LYN: variants seen among roughly 807,000 people sequenced by gnomAD.
LYN encodes the protein tyrosine-protein kinase Lyn.
LYN carries 12 observed loss-of-function variants against 65.0 expected under a neutral mutation model. That is an observed-to-expected ratio of 0.18 (90% CI 0.12 to 0.30). The LOEUF (loss-of-function observed/expected upper bound fraction) is 0.30, where lower values mean the gene tolerates loss of function less well. LYN is among the 10% of genes least tolerant of loss of function. The pLI, the probability that LYN is intolerant of heterozygous loss-of-function variation, is 1.00. For synonymous variants in LYN, 222 were observed against 221.2 expected (o/e 1.00, Z -0.03); for missense variants, 380 against 623.2 (o/e 0.61, Z 4.16).
intron 9 of LYN, among the ~76,000 whole-genome samples, chr8:55,967,516 A>G (rs1457236967): frequency 6.6e-6 from 1 of 151,788 alleles, no homozygotes; most frequent in Non-Finnish European, 1.5e-5. Context: ...GGGTTTCGCC[A>G]TGTTGGCCAG....
intron 10 of LYN, among the ~76,000 whole-genome samples, chr8:55,975,706 C>T (rs879792217): frequency 2.6e-5 from 4 of 151,154 alleles, no homozygotes; most frequent in Non-Finnish European, 4.4e-5. Flanking sequence ...AAACTAGTTA[C>T]TGTCAGAATT....
At chr8:55,976,628 T>C (rs2466007) in intron 10 of LYN, among the ~76,000 whole-genome samples, 74,359 of 151,724 alleles carry the variant, frequency 0.49, 19,559 homozygotes, top group African/African-American at 0.67. Flanking sequence ...GCTGTCAGAG[T>C]GGGCACCGCA....
At chr8:55,909,024 C>CTGT (rs1805517288) in intron 1 of LYN, among the ~76,000 whole-genome samples, 1 of 73,546 alleles carries the variant, frequency 1.4e-5, no homozygotes, top group Non-Finnish European at 2.5e-5. Flanking sequence ...CACACACACA[C>CTGT]ACACACACAC....
chr8:55,975,814 T>C lies in LYN; in HGVS notation c.1050+6021T>C, dbSNP rs548340197. ...TAAAACAGGAACTCTTTTTTTTTTT[T>C]GGTAAGGTGGGGGTGGGGCTGTTTT... On this transcript the variant is annotated intron_variant, in intron 10 of 12. Transcript: ENST00000519728. Among the ~76,000 whole-genome samples the C allele has an allele frequency of 1.2e-3, 140 of 120,224 alleles. 2 individuals are homozygous for C. The highest frequency in any genetic ancestry group is 9.9e-4 in the South Asian group (4 of 4,040). The allele number at this position is 120,224 out of a possible 152,430, so 78.9% of individuals were successfully genotyped here. A position where few individuals can be genotyped will look rare whatever the true frequency, so the allele number is the denominator to read the frequency against.
At chr8:55,954,850 ATAAATAAATAAAT>A (rs1472810761) in intron 8 of LYN, among the ~76,000 whole-genome samples, 3 of 146,072 alleles carry the variant, frequency 2.1e-5, no homozygotes, top group Non-Finnish European at 4.7e-5. Flanking sequence ...AAATAAATAA[ATAAATAAATAAAT>A]AAATAAATAA....
At chr8:55,960,442 G>A (rs1807240843) in intron 8 of LYN, among the ~76,000 whole-genome samples, 1 of 152,194 alleles carries the variant, frequency 6.6e-6, no homozygotes, top group Non-Finnish European at 1.5e-5. Flanking sequence ...TCTTTTGCTT[G>A]TAGGGACTGA....
At chr8:55,967,320 TTTTTTTTTTTTG>T (rs1253033462) in intron 9 of LYN, among the ~76,000 whole-genome samples, 2 of 111,236 alleles carry the variant, frequency 1.8e-5, no homozygotes, top group Non-Finnish European at 4.0e-5. Context: ...TTTTTTTTTT[TTTTTTTTTTTTG>T]GAAACAGAGT....
chr8:56,010,731 A>G lies in LYN; in HGVS notation c.*621A>G, dbSNP rs115163019. 1 of 230,706 alleles carries G rather than the reference A, an allele frequency of 4.3e-6. No individual in the cohort carries two copies. Among genetic ancestry groups the G allele is most frequent in the East Asian group, 6.2e-5 (1 of 16,126 alleles). The allele number at this position is 230,706 out of a possible 1,614,324, so 14.3% of individuals were successfully genotyped here. A position where few individuals can be genotyped will look rare whatever the true frequency, so the allele number is the denominator to read the frequency against. On this transcript the variant is annotated 3_prime_UTR_variant, in exon 13 of 13. Coordinates refer to ENST00000519728, the MANE Select transcript of LYN (RefSeq NM_002350.4). ...TCTATGAACACTGCTCAGACCTGCT[A>G]GACATGCCATAGGAGTGGCGTGCAC...
At chr8:55,911,283 A>AT (rs1218878355) in intron 1 of LYN, among the ~76,000 whole-genome samples, 4 of 45,342 alleles carry the variant, frequency 8.8e-5, no homozygotes, top group Non-Finnish European at 1.5e-4. Context: ...ATATATATAT[A>AT]TATTTTTTTT....
intron 12 of LYN, among the ~76,000 whole-genome samples, chr8:56,003,220 C>T (rs1273766124): frequency 2.8e-5 from 4 of 143,880 alleles, no homozygotes; most frequent in Non-Finnish European, 5.9e-5. Context: ...CCACCACGCC[C>T]AGCTAATTTT....
intron 10 of LYN, among the ~76,000 whole-genome samples, chr8:55,974,428 G>A (rs1322821693): frequency 6.6e-6 from 1 of 152,236 alleles, no homozygotes; most frequent in South Asian, 2.1e-4. Flanking sequence ...TTGGTAAAAT[G>A]AGGAAGGTAG....
intron 10 of LYN, among the ~76,000 whole-genome samples, chr8:55,973,108 A>G (rs1363018367): frequency 6.6e-6 from 1 of 152,160 alleles, no homozygotes; most frequent in Non-Finnish European, 1.5e-5. Context: ...GACTTTTCCC[A>G]CCATCTGTAT....
At chr8:55,995,462 C>T (rs538237182) in intron 10 of LYN, among the ~76,000 whole-genome samples, 54 of 152,226 alleles carry the variant, frequency 3.5e-4, no homozygotes, top group South Asian at 1.4e-3. Flanking sequence ...TGTCCCACTT[C>T]TCAAGTCCCT....
In LYN at chr8:55,946,413, C is replaced by G. The variant is rs747815541; in HGVS notation, c.133-35C>G. 14 of 1,476,742 alleles carry G rather than the reference C, an allele frequency of 9.5e-6. No individual in the cohort carries two copies. In the South Asian group the frequency reaches 1.5e-4, roughly 16 times the overall value. The allele number at this position is 1,476,742 out of a possible 1,614,324, so 91.5% of individuals were successfully genotyped here. A position where few individuals can be genotyped will look rare whatever the true frequency, so the allele number is the denominator to read the frequency against. On this transcript the variant is annotated intron_variant, in intron 2 of 12. Transcript: ENST00000519728. ...ACGAATGTGAGTAAGAAAAGCTAAA[C>G]AGAATTTTTTTTTCTAACAAATATT...
chr8:55,933,612 G>A (rs532504926), intron 1 of LYN, among the ~76,000 whole-genome samples: 3 of 152,178 alleles, frequency 2.0e-5, no homozygotes, highest in African/African-American at 7.2e-5. Context: ...GGCAATTACA[G>A]TCCAGAGAAA....
intron 2 of LYN, among the ~76,000 whole-genome samples, chr8:55,943,563 G>A (rs1172380977): frequency 4.4e-5 from 6 of 135,416 alleles, no homozygotes; most frequent in South Asian, 4.7e-4. Context: ...GTGACAGAGC[G>A]AGACTCTGTC....
At chr8:55,964,790 G>A (rs766215833) in intron 8 of LYN, among the ~76,000 whole-genome samples, 4 of 152,190 alleles carry the variant, frequency 2.6e-5, no homozygotes, top group Non-Finnish European at 5.9e-5. Context: ...ACAAGAGAAA[G>A]TAGAAGTCAC....
At chr8:55,999,634 C>T (rs1585680288) in intron 12 of LYN, 85 bp downstream of exon 12, 10 of 1,297,950 alleles carry the variant, frequency 7.7e-6, no homozygotes, top group East Asian at 4.6e-5. Context: ...GTAATAATTA[C>T]TTCATCTACC....
At chr8:55,960,748 A>G (rs1807248114) in intron 8 of LYN, among the ~76,000 whole-genome samples, 2 of 152,230 alleles carry the variant, frequency 1.3e-5, no homozygotes, top group Admixed American at 1.3e-4. Flanking sequence ...TGTTAAACAT[A>G]AGGAATTGTT....
Sources: gnomAD v4.1 joint callset for allele counts (sites outside exome capture counted in the v4.1 genomes callset) on GRCh38, gnomAD v4.1.1 for gene constraint, MANE v1.5 for transcripts, NCBI Gene and HGNC (gene_info 2026-07-23, HGNC 2026-07-21) for gene names.